RASGRP1: variants seen among roughly 807,000 people sequenced by gnomAD.
RASGRP1 encodes RAS guanyl releasing protein 1.
In RASGRP1, 37 loss-of-function variants were observed where a neutral mutation model predicts 95.1. The observed-to-expected ratio is 0.39, with a 90% CI of 0.30 to 0.51. The LOEUF is 0.51. Ranked by LOEUF, RASGRP1 falls within the 20% of genes least tolerant of loss-of-function variation. The pLI, the probability that RASGRP1 is intolerant of heterozygous loss-of-function variation, is 0.80. For synonymous variants in RASGRP1, 325 were observed against 353.4 expected, an observed-to-expected ratio of 0.92 and a Z score of 0.90; for missense variants, 711 against 965.4, an observed-to-expected ratio of 0.74 and a Z score of 3.49.
rs1156442427 is a variant in RASGRP1 at position 38,507,603 on chromosome 15, T to C, written c.1242+123A>G. ...AGTATCCCTAGCTATATGTTGGAGATAGTAATAGGATCTGCTTCATAGAGC... is the reference window on the plus strand; with the variant it reads ...AGTATCCCTAGCTATATGTTGGAGACAGTAATAGGATCTGCTTCATAGAGC... On this transcript the variant is annotated intron_variant, in intron 9 of 16. Transcript: ENST00000310803. 33 of 1,106,976 alleles carry C rather than the reference T, an allele frequency of 3.0e-5. No homozygotes were observed. The East Asian group carries it at 5.2e-4, about 17-fold the overall frequency. 68.6% of individuals were successfully genotyped at this position (1,106,976 alleles called of 1,614,324 possible).
rs1890809982 is a variant in RASGRP1 at position 38,496,838 on chromosome 15, C to G, written c.1873+1956G>C. Among the ~76,000 whole-genome samples the G allele has an allele frequency of 2.0e-5, 3 of 152,256 alleles. No homozygotes were observed. The South Asian group carries it at 6.2e-4, about 32-fold the overall frequency. On this transcript the variant is annotated intron_variant, in intron 15 of 16. Transcript: ENST00000310803. The stretch of plus-strand genomic sequence containing the variant: ...GGAAGTGAAGCACTTAAGCTTTGAT[C>G]TAATTGATCAATAAATGCATGTGGA...
intron 2 of RASGRP1, among the ~76,000 whole-genome samples, chr15:38,535,524 T>C (rs908404231): frequency 2.6e-5 from 4 of 152,134 alleles, no homozygotes; most frequent in African/African-American, 9.7e-5. Flanking sequence ...AGAGACTCTG[T>C]GAGTCAGTGG....
chr15:38,490,885 G>A (rs1890547498), intron 16 of RASGRP1, among the ~76,000 whole-genome samples, 197 bp from the exon 17 acceptor site: 1 of 152,170 alleles, frequency 6.6e-6, no homozygotes, highest in Non-Finnish European at 1.5e-5. Context: ...GCAGCAGTTA[G>A]TCTTTGTTAT....
chr15:38,514,650 C>T (rs1002340424), intron 6 of RASGRP1, among the ~76,000 whole-genome samples: 7 of 152,140 alleles, frequency 4.6e-5, no homozygotes, highest in African/African-American at 1.7e-4. Context: ...TATGAAGGGA[C>T]CAAGCCACTC....
chr15:38,516,805 G>A (rs1348635317), intron 5 of RASGRP1, among the ~76,000 whole-genome samples: 7 of 152,062 alleles, frequency 4.6e-5, no homozygotes, highest in African/African-American at 1.7e-4. Flanking sequence ...AGAGCTCAAA[G>A]AACCACAGCA....
In RASGRP1 at chr15:38,500,353, G is replaced by GT. The variant is rs896617109; in HGVS notation, c.1684-215dup. Among the ~76,000 whole-genome samples the GT allele has an allele frequency of 6.1e-4, 88 of 143,294 alleles. 1 individual carries two copies. The East Asian group carries it at 8.3e-3, about 14-fold the overall frequency. 94.0% of individuals were successfully genotyped at this position (143,294 alleles called of 152,430 possible). On this transcript the variant is annotated intron_variant, in intron 13 of 16. Transcript: ENST00000310803. ...TCAAGAAGCAGGTTTTTTTTGTTTT[G>GT]TTTTTTTTGAGACAGTCTTGCCCAG...
rs1407095993 is a variant in RASGRP1 at position 38,556,327 on chromosome 15, G to T, written c.220+3494C>A. On this transcript the variant is annotated intron_variant, in intron 2 of 16. Transcript: ENST00000310803. ...TGTGACACTGAGAGGCTTGCTAGAG[G>T]CCTTTGAAAGTGCTCTTAATTTATA... Among the ~76,000 whole-genome samples the T allele has an allele frequency of 4.6e-5, 7 of 152,296 alleles. No homozygotes were observed. In the East Asian group the frequency reaches 1.3e-3, roughly 29 times the overall value.
At chr15:38,558,312 T>C (rs1001266362) in intron 2 of RASGRP1, among the ~76,000 whole-genome samples, 2 of 152,198 alleles carry the variant, frequency 1.3e-5, no homozygotes, top group African/African-American at 4.8e-5. Flanking sequence ...TCTAAGGAGA[T>C]TATTTTGAAA....
At chr15:38,494,243 C>T in intron 16 of RASGRP1, 139 bp downstream of exon 16, 1 of 1,124,474 alleles carries the variant, frequency 8.9e-7, no homozygotes, top group South Asian at 1.3e-5. Context: ...TTCTCCCTCC[C>T]TGTTTCTCCC....
At chr15:38,526,538 G>T (rs937253444) in intron 2 of RASGRP1, 134 bp from the exon 3 acceptor site, 5 of 611,196 alleles carry the variant, frequency 8.2e-6, no homozygotes, top group African/African-American at 1.9e-5. Context: ...CCCTAGCACA[G>T]CCCCCCTCTG....
intron 4 of RASGRP1, 36 bp downstream of exon 4, chr15:38,519,273 C>A: frequency 6.7e-7 from 1 of 1,496,792 alleles, no homozygotes; most frequent in Non-Finnish European, 9.3e-7. Context: ...TTTCACCTTG[C>A]TCCACAAAGT....
chr15:38,549,682 C>G (rs1282946836), intron 2 of RASGRP1, among the ~76,000 whole-genome samples: 1 of 83,846 alleles, frequency 1.2e-5, no homozygotes, highest in Non-Finnish European at 2.2e-5. Flanking sequence ...CCTCTTCCCC[C>G]TCTAGTCTCT....
chr15:38,501,664 T>A (rs62003594), intron 12 of RASGRP1, among the ~76,000 whole-genome samples: 1 of 152,218 alleles, frequency 6.6e-6, no homozygotes, highest in Non-Finnish European at 1.5e-5. Flanking sequence ...ACTAACCATA[T>A]GATTAGTTTC....
intron 12 of RASGRP1, among the ~76,000 whole-genome samples, chr15:38,502,065 G>A (rs1891051860): frequency 2.0e-5 from 3 of 152,142 alleles, no homozygotes; most frequent in Admixed American, 1.3e-4. Flanking sequence ...ATGTTGGCCA[G>A]GTTGGTCTCG....
At chr15:38,563,960 G>A (rs948047492) in intron 1 of RASGRP1, among the ~76,000 whole-genome samples, 4 of 152,208 alleles carry the variant, frequency 2.6e-5, no homozygotes, top group African/African-American at 9.7e-5. Flanking sequence ...AAAGCTGCCT[G>A]GCCAAGAGCC....
Position 38,514,342 on chromosome 15 carries a change from C to T in RASGRP1, c.676-1386G>A, listed in dbSNP as rs796741949. 6.6e-5 allele frequency among the ~76,000 whole-genome samples: 10 copies of T among 152,180 alleles called. 1 individual carries two copies. Among genetic ancestry groups the T allele is most frequent in the African/African-American group, 2.4e-4 (10 of 41,510 alleles). On this transcript the variant is annotated intron_variant, in intron 6 of 16. Transcript: ENST00000310803. ...CTTACTGGTTCTAAAAGAAAGTAGC[C>T]ACAACTCATTGCATATATTTTGAAT...
At chr15:38,551,039 C>A (rs1037987850) in intron 2 of RASGRP1, among the ~76,000 whole-genome samples, 3 of 152,156 alleles carry the variant, frequency 2.0e-5, no homozygotes, top group African/African-American at 7.2e-5. Context: ...CTGTGTTATT[C>A]ATAGTAAATG....
intron 2 of RASGRP1, among the ~76,000 whole-genome samples, chr15:38,540,912 A>G (rs566771021): frequency 6.6e-6 from 1 of 152,330 alleles, no homozygotes; most frequent in Admixed American, 6.5e-5. Context: ...GAAGGAGCTG[A>G]TATTCTGAGT....
intron 1 of RASGRP1, 38 bp from the exon 2 acceptor site, chr15:38,560,043 C>T (rs1262741535): frequency 2.6e-6 from 4 of 1,521,746 alleles, no homozygotes; most frequent in Non-Finnish European, 2.7e-6. Context: ...GACAAACGGG[C>T]AGCTCCACGC....
Sources: gnomAD v4.1 joint callset for allele counts (sites outside exome capture counted in the v4.1 genomes callset) on GRCh38, gnomAD v4.1.1 for gene constraint, MANE v1.5 for transcripts, NCBI Gene and HGNC (gene_info 2026-07-23, HGNC 2026-07-21) for gene names.